PDE1C: variants seen among roughly 807,000 people sequenced by gnomAD.
The protein encoded by PDE1C is dual specificity calcium/calmodulin-dependent 3',5'-cyclic nucleotide phosphodiesterase 1C.
A neutral mutation model predicts 93.1 loss-of-function variants in PDE1C; 62 were observed. That is an observed-to-expected ratio of 0.67 (90% CI 0.54 to 0.82). PDE1C has a LOEUF of 0.82. PDE1C is among the 40% of genes least tolerant of loss of function. The probability of loss-of-function intolerance (pLI) is 0.00; values close to 1 mark genes in which losing one functional copy is unlikely to be tolerated. For synonymous variants in PDE1C, 325 were observed against 310.1 expected (o/e 1.05, Z -0.50); for missense variants, 742 against 884.6 (o/e 0.84, Z 2.04).
In PDE1C at chr7:32,374,282, A is replaced by AG. The variant is rs1188900780; in HGVS notation, c.310+53539dup. 2.5e-3 allele frequency among the ~76,000 whole-genome samples: 382 copies of AG among 150,328 alleles called. 3 individuals carry two copies. The highest frequency in any genetic ancestry group is 8.9e-3 in the African/African-American group (358 of 40,106). On this transcript the variant is annotated intron_variant, in intron 1 of 1. Transcript: ENST00000672256. ...AAGAAAGAAAGAAAGAAAGAAAGAA[A>AG]GAAAGAAAGAAAGAAAGAAAGAAAG... is the stretch of plus-strand genomic sequence containing the variant.
intron 2 of PDE1C, among the ~76,000 whole-genome samples, chr7:31,914,367 C>T (rs1051232568): frequency 1.3e-4 from 20 of 152,064 alleles, no homozygotes; most frequent in Admixed American, 1.2e-3. Flanking sequence ...CAAGAAGTTC[C>T]GAGAAGAACT....
chr7:32,323,420 C>T (rs1783337508), intron 1 of PDE1C, among the ~76,000 whole-genome samples: 2 of 152,122 alleles, frequency 1.3e-5, no homozygotes, highest in Non-Finnish European at 2.9e-5. Flanking sequence ...TCCAGCACCC[C>T]ACCACAAGAA....
the PDE1C span, among the ~76,000 whole-genome samples, chr7:31,694,318 T>G: frequency 6.6e-6 from 1 of 151,858 alleles, no homozygotes; most frequent in South Asian, 2.1e-4. Flanking sequence ...TTTTGGGACA[T>G]CTGAAGTATA....
At chr7:31,657,259 C>T in the PDE1C span, among the ~76,000 whole-genome samples, 1 of 151,350 alleles carries the variant, frequency 6.6e-6, no homozygotes, top group Non-Finnish European at 1.5e-5. Context: ...ACTCTGATTT[C>T]CTGATTTGTT....
intron 2 of PDE1C, among the ~76,000 whole-genome samples, chr7:31,992,854 TG>T (rs1474111369): frequency 1.3e-5 from 2 of 152,182 alleles, no homozygotes; most frequent in Non-Finnish European, 2.9e-5. Flanking sequence ...GTCAGGATCT[TG>T]GGTGGAAGAC....
At chr7:32,329,769 G>T (rs1783476289) in intron 1 of PDE1C, among the ~76,000 whole-genome samples, 1 of 152,164 alleles carries the variant, frequency 6.6e-6, no homozygotes, top group South Asian at 2.1e-4. Context: ...AAGGGCTCAG[G>T]AGAGGACTTG....
intron 5 of PDE1C, among the ~76,000 whole-genome samples, chr7:31,873,890 C>T (rs116764923): frequency 0.015 from 2,248 of 152,278 alleles, 50 homozygotes; most frequent in African/African-American, 0.051. Flanking sequence ...CTACAGCCTA[C>T]GATGCTTCTC....
chr7:31,849,929 A>G (rs939912608), intron 8 of PDE1C, among the ~76,000 whole-genome samples: 7 of 152,150 alleles, frequency 4.6e-5, no homozygotes, highest in African/African-American at 1.7e-4. Context: ...TGAGAGGAAT[A>G]CTCAGAATAA....
At chr7:32,321,061 C>T (rs1428113063) in intron 1 of PDE1C, among the ~76,000 whole-genome samples, 1 of 152,246 alleles carries the variant, frequency 6.6e-6, no homozygotes, top group Non-Finnish European at 1.5e-5. Context: ...TGTGATACAG[C>T]AGTCCCCCAT....
chr7:32,233,350 T>G (rs529050493), intron 1 of PDE1C, among the ~76,000 whole-genome samples: 1 of 152,272 alleles, frequency 6.6e-6, no homozygotes, highest in African/African-American at 2.4e-5. Context: ...AATAACATGC[T>G]AAATGTAAGT....
At chr7:32,060,019 G>A (rs1274825575) in intron 1 of PDE1C, among the ~76,000 whole-genome samples, 1 of 152,098 alleles carries the variant, frequency 6.6e-6, no homozygotes, top group Admixed American at 6.5e-5. Flanking sequence ...AAAGCTAAAA[G>A]CAAAACTATC....
the PDE1C span, among the ~76,000 whole-genome samples, chr7:31,692,743 CAGAG>C: frequency 1.3e-5 from 2 of 152,064 alleles, no homozygotes; most frequent in South Asian, 2.1e-4. Context: ...GTTCATTAGA[CAGAG>C]AGAGAGAAAG....
chr7:32,163,639 G>A (rs1330890333), intron 3 of PDE1C, among the ~76,000 whole-genome samples: 1 of 152,128 alleles, frequency 6.6e-6, no homozygotes, highest in Non-Finnish European at 1.5e-5. Flanking sequence ...TCTTCCAAGT[G>A]CAAAATTATC....
At chr7:31,813,243 T>C (rs1171384189) in intron 15 of PDE1C, among the ~76,000 whole-genome samples, 2 of 151,740 alleles carry the variant, frequency 1.3e-5, no homozygotes, top group African/African-American at 2.4e-5. Flanking sequence ...ATCTGGGAGG[T>C]AGGGTTGAGC....
At chr7:32,372,052 ATTTTTTTTT>A (rs70989652) in intron 1 of PDE1C, among the ~76,000 whole-genome samples, 1 of 132,470 alleles carries the variant, frequency 7.5e-6, no homozygotes, top group East Asian at 2.2e-4. Context: ...TGGTCAATTG[ATTTTTTTTT>A]TTTTTTTTTT....
chr7:31,799,416 T>C (rs1485368516), intron 16 of PDE1C, among the ~76,000 whole-genome samples: 1 of 151,718 alleles, frequency 6.6e-6, no homozygotes, highest in African/African-American at 2.4e-5. Flanking sequence ...AGTGTAAAGT[T>C]GTATTCTTCT....
the PDE1C span, chr7:31,696,846 G>T: frequency 8.6e-7 from 1 of 1,156,930 alleles, no homozygotes; most frequent in Non-Finnish European, 1.2e-6. Context: ...CTTTATTAAA[G>T]TAAGTTTGGA....
chr7:31,836,403 C>T (rs1360243503), intron 11 of PDE1C, among the ~76,000 whole-genome samples: 1 of 152,186 alleles, frequency 6.6e-6, no homozygotes, highest in East Asian at 1.9e-4. Flanking sequence ...AGTGCGATCT[C>T]GGCTAACTGC....
intron 17 of PDE1C, among the ~76,000 whole-genome samples, chr7:31,770,495 T>G (rs1165911740): frequency 2.6e-5 from 4 of 152,070 alleles, no homozygotes; most frequent in Admixed American, 6.5e-5. Flanking sequence ...TACCTCTATG[T>G]TTTCTTCTTT....
Sources: allele counts gnomAD v4.1 joint callset (sites outside exome capture counted in the v4.1 genomes callset), GRCh38; gene constraint gnomAD v4.1.1; transcripts MANE v1.5; gene names NCBI Gene and HGNC (gene_info 2026-07-23, HGNC 2026-07-21).